The following MINAR1 variants were observed in gnomAD, a reference collection of about 807,000 sequenced individuals.
MINAR1 encodes major intrinsically disordered Notch2-binding receptor 1.
Under a neutral mutation model 65.1 loss-of-function variants are expected in MINAR1, and 40 were observed. That is an observed-to-expected ratio of 0.61 (90% CI 0.48 to 0.80). The LOEUF is 0.80. Among genes scored for constraint, MINAR1 ranks in the 30% least tolerant of loss-of-function variants. The pLI is 0.00. For synonymous variants in MINAR1, 482 were observed against 449.1 expected, an observed-to-expected ratio of 1.07 and a Z score of -0.93; for missense variants, 1,128 against 1,148.0, an observed-to-expected ratio of 0.98 and a Z score of 0.25.
chr15:79,448,113 G>A (rs1895072737), intron 1 of MINAR1, among the ~76,000 whole-genome samples: 3 of 152,154 alleles, frequency 2.0e-5, no homozygotes, highest in Admixed American at 6.5e-5. Flanking sequence ...AGTTATGCCC[G>A]TTAAGAAAAA....
intron 1 of MINAR1, among the ~76,000 whole-genome samples, chr15:79,450,269 T>TC (rs1009613557): frequency 1.2e-3 from 189 of 152,108 alleles, no homozygotes; most frequent in Middle Eastern, 0.01. Context: ...AGTGTTTTCT[T>TC]CCCTTTACCT....
At chr15:79,431,515 G>GGA (rs1567046937), upstream of MINAR1, among the ~76,000 whole-genome samples, 2 of 134,750 alleles carry the variant, frequency 1.5e-5, no homozygotes, top group African/African-American at 7.0e-5. Flanking sequence ...GTGTGTGTGT[G>GGA]GGGGGGGAGA....
rs141863343 is a variant in MINAR1 at position 79,453,935 on chromosome 15, C to T, written c.-50-2163C>T. Among the ~76,000 whole-genome samples the T allele has an allele frequency of 8.5e-5, 13 of 152,294 alleles. No individual in the cohort carries two copies. The East Asian group carries it at 2.5e-3, about 29-fold the overall frequency. ...CATGGTAGGACACACATGGGATTAG[C>T]TTGGAAGTCCTGAAAGGGCTTTGTC... On this transcript the variant is annotated intron_variant, in intron 1 of 3. Coordinates refer to ENST00000305428, the MANE Select transcript of MINAR1 (RefSeq NM_015206.3).
At position 79,466,756 on chromosome 15, in the gene MINAR1, A is replaced by AGG. The variant is rs111917084; in HGVS notation, c.2554-1430_2554-1429dup. Among the ~76,000 whole-genome samples, 940 of 152,304 alleles carry AGG rather than the reference A, an allele frequency of 6.2e-3. 15 individuals are homozygous for AGG. The highest frequency in any genetic ancestry group is 0.022 in the African/African-American group (899 of 41,568). ...GGTGACATTCTCAAAGGGGTAGCTAAGGAGGGGACTCTTTACAATAGCTGG... is the reference window on the plus strand; with the variant it reads ...GGTGACATTCTCAAAGGGGTAGCTAAGGGGAGGGGACTCTTTACAATAGCTGG... On this transcript the variant is annotated intron_variant, in intron 3 of 3. Coordinates refer to ENST00000305428, the MANE Select transcript of MINAR1 (RefSeq NM_015206.3).
In MINAR1 at chr15:79,463,157, C is replaced by T. The variant is rs762395207; in HGVS notation, c.2389C>T (p.Pro797Ser). The T allele has an allele frequency of 5.0e-6, 8 of 1,614,098 alleles. No individual in the cohort carries two copies. Among genetic ancestry groups the T allele is most frequent in the Non-Finnish European group, 6.8e-6 (8 of 1,180,054 alleles). The change falls in exon 3 of 4, where the codon CCC (proline) becomes TCC (serine). Residue 797 changes from proline to serine, a missense_variant. By Grantham distance (74) the Pro-to-Ser change is moderately conservative. Coordinates refer to ENST00000305428, the MANE Select transcript of MINAR1 (RefSeq NM_015206.3). Reference sequence around the variant, plus strand: ...GGTGGAGCAGGTGTTCAGCCCTCACCCCTACCCTGCCTCCCTCAAGGCCCA... The same window carrying T: ...GGTGGAGCAGGTGTTCAGCCCTCACTCCTACCCTGCCTCCCTCAAGGCCCA... ...FLVEQVFSPHPYPASLKAHMK... is the reference protein window; with the variant it reads ...FLVEQVFSPHSYPASLKAHMK...
the MINAR1 span, chr15:79,412,597 A>G: frequency 6.6e-6 from 1 of 152,616 alleles, no homozygotes; most frequent in East Asian, 1.9e-4. Flanking sequence ...CGAAGTTGCC[A>G]TTGGGCGTGA....
At chr15:79,448,585 T>G (rs1404445612) in intron 1 of MINAR1, among the ~76,000 whole-genome samples, 1 of 152,246 alleles carries the variant, frequency 6.6e-6, no homozygotes, top group African/African-American at 2.4e-5. Flanking sequence ...TGAATTCTCT[T>G]GCAGTGTGCT....
In MINAR1 at chr15:79,456,799, A is replaced by G. The variant is rs1459831058; in HGVS notation, c.652A>G (p.Met218Val). 1 of 1,614,170 alleles carries G rather than the reference A, an allele frequency of 6.2e-7. No individual in the cohort carries two copies. The highest frequency in any genetic ancestry group is 8.5e-7 in the Non-Finnish European group (1 of 1,180,028). ...TGAGATGCAGAGGACCTACTTCCCC[A>G]TGAACATCGAAAACGAGTCCATTTC... ...PCEMQRTYFP[M>V]NIENESISDQ... is the part of the protein sequence containing the mutation. The change falls in exon 2 of 4, where the codon ATG becomes GTG. Residue 218 changes from methionine to valine, a missense_variant. Coordinates refer to ENST00000305428, the MANE Select transcript of MINAR1 (RefSeq NM_015206.3).
chr15:79,419,675 A>G, the MINAR1 span: 1 of 152,368 alleles, frequency 6.6e-6, no homozygotes, highest in African/African-American at 2.4e-5. Context: ...AAATGAAAAC[A>G]TGAATGCTAA....
intron 1 of MINAR1, among the ~76,000 whole-genome samples, chr15:79,441,523 G>T (rs2141280702): frequency 6.6e-6 from 1 of 152,208 alleles, no homozygotes; most frequent in East Asian, 1.9e-4. Context: ...ACATTAAAGA[G>T]AATATATTCA....
chr15:79,435,142 G>T (rs372533793), intron 1 of MINAR1, among the ~76,000 whole-genome samples: 18 of 152,112 alleles, frequency 1.2e-4, no homozygotes, highest in African/African-American at 4.3e-4. Flanking sequence ...CAGGCATGGC[G>T]GTGCATGCCT....
intron 3 of MINAR1, among the ~76,000 whole-genome samples, chr15:79,466,277 C>T (rs1895849967): frequency 2.0e-5 from 3 of 152,126 alleles, no homozygotes; most frequent in Admixed American, 2.0e-4. Flanking sequence ...CTTCTCTTTC[C>T]ATTGTAGTGT....
intron 1 of MINAR1, among the ~76,000 whole-genome samples, chr15:79,439,637 C>T (rs58590130): frequency 0.19 from 28,895 of 151,654 alleles, 3,357 homozygotes; most frequent in African/African-American, 0.32. Context: ...GCGCTGACTG[C>T]CCTGTGCTAT....
At chr15:79,452,882 AGT>A (rs1260002524) in intron 1 of MINAR1, among the ~76,000 whole-genome samples, 1 of 135,490 alleles carries the variant, frequency 7.4e-6, no homozygotes, top group Non-Finnish European at 1.6e-5. Flanking sequence ...AAGCTGTGTG[AGT>A]GTGTGTAGGT....
rs745998897 is a variant in MINAR1 at position 79,458,225 on chromosome 15, G to A, written c.2078G>A (p.Ser693Asn). Residue 693 changes from serine (S) to asparagine (N), a missense_variant, in exon 2 of 4, where the codon AGC (serine) becomes AAC (asparagine). Transcript: ENST00000305428. Reference protein sequence around the residue: ...CSDASGSNSESLRVKALKKSL... With the variant: ...CSDASGSNSENLRVKALKKSL... ...GATGCTAGCGGGAGCAACAGTGAAA[G>A]CCTGCGGGTCAAGGCCTTAAAAAAA... 6.2e-7 allele frequency: 1 copy of A among 1,614,106 alleles called. No individual in the cohort carries two copies. The highest frequency in any genetic ancestry group is 8.5e-7 in the Non-Finnish European group (1 of 1,180,034).
the MINAR1 span, chr15:79,411,719 C>A: frequency 6.6e-5 from 34 of 511,710 alleles, no homozygotes; most frequent in Middle Eastern, 1.0e-3. Flanking sequence ...CCTTGACCAC[C>A]ACAGACACTT....
intron 1 of MINAR1, among the ~76,000 whole-genome samples, chr15:79,451,412 AGAAGGGCT>A (rs1202356942): frequency 6.6e-6 from 1 of 152,178 alleles, no homozygotes; most frequent in Non-Finnish European, 1.5e-5. Context: ...GGACTGGGGC[AGAAGGGCT>A]GTTCCAGGAG....
chr15:79,467,676 A>ATGTTTTGTTTAAACTGCTCATCT (rs1895918683), intron 3 of MINAR1, among the ~76,000 whole-genome samples: 1 of 152,166 alleles, frequency 6.6e-6, no homozygotes, highest in African/African-American at 2.4e-5. Flanking sequence ...GAAATAGTCT[A>ATGTTTTGTTTAAACTGCTCATCT]TGTTTTGTTT....
At chr15:79,460,331 T>G (rs1895600514) in intron 2 of MINAR1, among the ~76,000 whole-genome samples, 1 of 152,152 alleles carries the variant, frequency 6.6e-6, no homozygotes, top group African/African-American at 2.4e-5. Context: ...CATGTCAAAA[T>G]CTACAGTTCC....
Sources: allele counts gnomAD v4.1 joint callset (sites outside exome capture counted in the v4.1 genomes callset), GRCh38; gene constraint gnomAD v4.1.1; transcripts MANE v1.5; gene names NCBI Gene and HGNC (gene_info 2026-07-23, HGNC 2026-07-21).